The following COQ8A variants were observed in gnomAD, a reference collection of about 807,000 sequenced individuals.
COQ8A encodes the protein coenzyme Q8A, also known as atypical kinase COQ8A, mitochondrial.
A neutral mutation model predicts 65.0 loss-of-function variants in COQ8A; 51 were observed. The ratio of observed to expected loss-of-function variants is 0.78; its 90% CI spans 0.63 to 0.99. The LOEUF is 0.99. Among genes scored for constraint, COQ8A ranks in the 50% least tolerant of loss-of-function variants. The pLI, the probability that COQ8A is intolerant of heterozygous loss-of-function variation, is 0.00. For synonymous variants in COQ8A, 371 were observed against 353.2 expected (o/e 1.05, Z -0.57); for missense variants, 940 against 875.0 (o/e 1.07, Z -0.94).
At position 226,962,179 on chromosome 1, in the gene COQ8A, C is replaced by T. The variant is rs1039932278; in HGVS notation, c.177+617C>T. ...CGCCAAGGCCTGGCCTCATTTTTCT[C>T]CTTCAGTTTGCTGAGGGTCTCTGCA... On this transcript the variant is annotated intron_variant, in intron 2 of 14. Transcript: ENST00000366777. Among the ~76,000 whole-genome samples the T allele has an allele frequency of 3.9e-5, 6 of 152,332 alleles. No homozygotes were observed. In the East Asian group the frequency reaches 1.2e-3, roughly 29 times the overall value.
intron 1 of COQ8A, among the ~76,000 whole-genome samples, chr1:226,956,703 G>C (rs1456544726): frequency 1.1e-5 from 1 of 94,228 alleles, no homozygotes; most frequent in African/African-American, 4.3e-5. Flanking sequence ...CACTCTCCCT[G>C]GTTCACACTC....
intron 14 of COQ8A, among the ~76,000 whole-genome samples, chr1:226,985,737 T>A (rs1660065885): frequency 6.6e-6 from 1 of 152,186 alleles, no homozygotes; most frequent in African/African-American, 2.4e-5. Context: ...TCTGTGCTGG[T>A]GCCGCCTGAA....
intron 6 of COQ8A, 62 bp from the exon 7 acceptor site, chr1:226,982,616 C>G: frequency 6.4e-7 from 1 of 1,573,750 alleles, no homozygotes; most frequent in Non-Finnish European, 8.7e-7. Flanking sequence ...GTGTGCCCGC[C>G]CAGGTCCTGG....
chr1:226,947,317 G>A (rs1657098586), intron 1 of COQ8A, among the ~76,000 whole-genome samples: 1 of 152,158 alleles, frequency 6.6e-6, no homozygotes, highest in Non-Finnish European at 1.5e-5. Context: ...GCCCTTAGGA[G>A]ATTGCTCAGC....
At chr1:226,986,362 G>C (rs1429165904) in intron 14 of COQ8A, 91 bp from the exon 15 acceptor site, 15 of 1,423,548 alleles carry the variant, frequency 1.1e-5, no homozygotes, top group East Asian at 2.3e-5. Context: ...CTTTGAATGA[G>C]AACTCAGCGC....
intron 2 of COQ8A, among the ~76,000 whole-genome samples, chr1:226,964,428 C>T (rs1658434697): frequency 6.6e-6 from 1 of 152,200 alleles, no homozygotes; most frequent in Non-Finnish European, 1.5e-5. Context: ...TCCCCTGCCC[C>T]TCCATTTCCC....
At chr1:226,955,736 A>G (rs1351297592) in intron 1 of COQ8A, among the ~76,000 whole-genome samples, 1 of 103,770 alleles carries the variant, frequency 9.6e-6, no homozygotes. Flanking sequence ...CCTGGCTCCC[A>G]CTCTCCCTGG....
At chr1:226,979,767 C>T (rs558015677) in intron 5 of COQ8A, among the ~76,000 whole-genome samples, 6 of 152,298 alleles carry the variant, frequency 3.9e-5, no homozygotes, top group East Asian at 1.9e-4. Flanking sequence ...GGGACACGGG[C>T]GGCATGCACG....
intron 4 of COQ8A, among the ~76,000 whole-genome samples, chr1:226,973,884 A>ATC (rs2148087738): frequency 1.3e-5 from 2 of 152,320 alleles, no homozygotes; most frequent in South Asian, 4.1e-4. Context: ...GTTTAGCTGT[A>ATC]TCTTTACCCC....
rs1312607914 is a variant in COQ8A, at chr1:226,972,207, G to A, written c.656-5242G>A. Reference sequence around the variant, plus strand: ...CTGCTTTGTGCATAGCTCTGTGGTGGTTCCTGGGGCCTTCACACAGGAACT... The same window carrying A: ...CTGCTTTGTGCATAGCTCTGTGGTGATTCCTGGGGCCTTCACACAGGAACT... On this transcript the variant is annotated intron_variant, in intron 4 of 14. Coordinates refer to ENST00000366777, the MANE Select transcript of COQ8A (RefSeq NM_020247.5). This position sits in a 1 kb window ranked among gnomAD's most constrained non-coding sequence, Gnocchi z 4.3. Among the ~76,000 whole-genome samples, 1 of 152,168 alleles carries A rather than the reference G, an allele frequency of 6.6e-6. No individual in the cohort carries two copies. Among genetic ancestry groups the A allele is most frequent in the African/African-American group, 2.4e-5 (1 of 41,438 alleles).
In COQ8A at chr1:226,982,161, C is replaced by G; in HGVS notation, c.853+12C>G. On this transcript the variant is annotated intron_variant, in intron 6 of 14. Coordinates refer to ENST00000366777, the MANE Select transcript of COQ8A (RefSeq NM_020247.5). ...GCTGAGCATCCAGGGTGAGTGGGCG[C>G]GGGGGCTGCTGCCCCGGGACTGCGT... 1 of 1,569,474 alleles carries G rather than the reference C, an allele frequency of 6.4e-7. No homozygotes were observed. Among genetic ancestry groups the G allele is most frequent in the Non-Finnish European group, 8.6e-7 (1 of 1,157,648 alleles).
intron 1 of COQ8A, among the ~76,000 whole-genome samples, chr1:226,941,716 A>T (rs1656707317): frequency 6.6e-6 from 1 of 151,356 alleles, no homozygotes; most frequent in Admixed American, 6.6e-5. Context: ...CAGAGGTTGC[A>T]GTGAGCCAAG....
chr1:226,941,405 ACT>A (rs775730408), intron 1 of COQ8A, among the ~76,000 whole-genome samples: 7 of 151,794 alleles, frequency 4.6e-5, no homozygotes, highest in Non-Finnish European at 1.5e-5. Context: ...CTCTTGGGAG[ACT>A]CTTCTTTTGG....
At position 226,984,875 on chromosome 1, in the gene COQ8A, G is replaced by A; in HGVS notation, c.1507-1G>A. 1 of 1,614,196 alleles carries A rather than the reference G, an allele frequency of 6.2e-7. No individual in the cohort carries two copies. The highest frequency in any genetic ancestry group is 8.5e-7 in the Non-Finnish European group (1 of 1,180,028). ...ACTTCTCCTGGTGTCTCTGTCCCCA[G>A]GTGGCTCTTTTGGATTTTGGGGCAA... On this transcript the variant is annotated splice_acceptor_variant, in intron 12 of 14. Transcript: ENST00000366777. LOFTEE classifies it high-confidence loss of function.
rs745983452 is a variant in COQ8A at position 226,983,797 on chromosome 1, G to A, written c.1199G>A (p.Arg400Gln). The A allele has an allele frequency of 3.3e-5, 54 of 1,612,626 alleles. No homozygotes were observed. Among genetic ancestry groups the A allele is most frequent in the East Asian group, 2.0e-4 (9 of 44,884 alleles). The change falls in exon 10 of 15, where the codon CGG (arginine) becomes CAG (glutamine). Residue 400 changes from arginine to glutamine, a missense_variant. Physicochemically the swap from Arg to Gln is conservative, Grantham distance 43 (BLOSUM62 1). Transcript: ENST00000366777. ...GAGCACCTGATCGACGTGCTGAGGC[G>A]GGAGCTGGCCCTGGAGTGTGACTAC... is the stretch of plus-strand genomic sequence containing the variant. Reference protein sequence around the residue: ...FPEHLIDVLRRELALECDYQR... With the variant: ...FPEHLIDVLRQELALECDYQR...
chr1:226,984,907 A>T lies in COQ8A; in HGVS notation c.1538A>T (p.Glu513Val), dbSNP rs755378528. Residue 513 changes from glutamate (E) to valine (V), a missense_variant, in exon 13 of 15, where the codon GAA becomes GTA. By Grantham distance (121) the Glu-to-Val change is moderately radical. Transcript: ENST00000366777. Reference sequence around the variant, plus strand: ...CTTTTGGATTTTGGGGCAACGCGGGAATATGACAGATCCTTCACCGACCTC... The same window carrying T: ...CTTTTGGATTTTGGGGCAACGCGGGTATATGACAGATCCTTCACCGACCTC... ...VALLDFGATR[E>V]YDRSFTDLYI... is the part of the protein sequence containing the mutation. 6.2e-7 allele frequency: 1 copy of T among 1,613,964 alleles called. No individual in the cohort carries two copies. The highest frequency in any genetic ancestry group is 1.1e-5 in the South Asian group (1 of 91,070).
chr1:226,979,377 G>C (rs1659556101), intron 5 of COQ8A, among the ~76,000 whole-genome samples: 1 of 152,228 alleles, frequency 6.6e-6, no homozygotes, highest in South Asian at 2.1e-4. Flanking sequence ...AGGCACGGGG[G>C]GCGGGCCAGG....
At chr1:226,979,229 C>T (rs973736011) in intron 5 of COQ8A, among the ~76,000 whole-genome samples, 1 of 152,222 alleles carries the variant, frequency 6.6e-6, no homozygotes, top group African/African-American at 2.4e-5. Context: ...GTGGCCGGGC[C>T]CTCTGTGGAG....
chr1:226,984,520 T>G, intron 11 of COQ8A, 28 bp from the exon 12 acceptor site: 1 of 1,584,330 alleles, frequency 6.3e-7, no homozygotes, highest in East Asian at 2.2e-5. Flanking sequence ...TGGTGCTGCC[T>G]GACACAGACC....
Sources: allele counts gnomAD v4.1 joint callset (sites outside exome capture counted in the v4.1 genomes callset), GRCh38; gene constraint gnomAD v4.1.1; non-coding constraint Gnocchi (gnomAD v3.1); transcripts MANE v1.5; gene names NCBI Gene and HGNC (gene_info 2026-07-23, HGNC 2026-07-21).